Variants in SEM1 observed in about 807,000 individuals in gnomAD.
SEM1 encodes the protein 26S proteasome complex subunit SEM1.
In SEM1, 3 loss-of-function variants were observed where a neutral mutation model predicts 12.7. The observed-to-expected ratio is 0.24, with a 90% CI of 0.11 to 0.61. The LOEUF (loss-of-function observed/expected upper bound fraction) is 0.61, where lower values mean the gene tolerates loss of function less well. SEM1 is among the 20% of genes least tolerant of loss of function. SEM1 has a pLI of 0.88. For synonymous variants in SEM1, 30 were observed against 27.8 expected, an observed-to-expected ratio of 1.08 and a Z score of -0.25; for missense variants, 59 against 81.3, an observed-to-expected ratio of 0.73 and a Z score of 1.06.
intron 2 of SEM1, among the ~76,000 whole-genome samples, chr7:96,581,897 C>G (rs1337345414): frequency 6.6e-6 from 1 of 152,106 alleles, no homozygotes; most frequent in Non-Finnish European, 1.5e-5. Flanking sequence ...TTTCTAGATA[C>G]ACAATCGTGT....
intron 2 of SEM1, among the ~76,000 whole-genome samples, chr7:96,582,729 A>T (rs1407111492): frequency 6.6e-6 from 1 of 152,160 alleles, no homozygotes; most frequent in African/African-American, 2.4e-5. Flanking sequence ...AAATTTATCC[A>T]TTTCTTCCAG....
intron 2 of SEM1, among the ~76,000 whole-genome samples, chr7:96,624,837 G>A (rs989268714): frequency 3.3e-5 from 5 of 152,132 alleles, no homozygotes; most frequent in African/African-American, 1.2e-4. Flanking sequence ...CTGCAATGGG[G>A]TGATAGGGAG....
chr7:96,653,387 A>C (rs888523892), intron 2 of SEM1, among the ~76,000 whole-genome samples: 9 of 152,246 alleles, frequency 5.9e-5, no homozygotes, highest in African/African-American at 1.9e-4. Context: ...ATAATTGCCT[A>C]GCTCTTGAGT....
chr7:96,602,474 A>G (rs560934377), intron 2 of SEM1, among the ~76,000 whole-genome samples: 1 of 152,234 alleles, frequency 6.6e-6, no homozygotes, highest in African/African-American at 2.4e-5. Flanking sequence ...CAGCTCACCA[A>G]TATCTCCGTC....
At chr7:96,606,837 A>G (rs890799580) in intron 2 of SEM1, among the ~76,000 whole-genome samples, 1 of 152,124 alleles carries the variant, frequency 6.6e-6, no homozygotes, top group Non-Finnish European at 1.5e-5. Flanking sequence ...ATCAGTCTGC[A>G]TGGAGCTTAT....
At chr7:96,642,244 GAAGAAGGT>G (rs1169719489) in intron 2 of SEM1, among the ~76,000 whole-genome samples, 1 of 151,998 alleles carries the variant, frequency 6.6e-6, no homozygotes, top group Non-Finnish European at 1.5e-5. Flanking sequence ...AGATTACAGA[GAAGAAGGT>G]TGAAGACACC....
intron 2 of SEM1, among the ~76,000 whole-genome samples, chr7:96,585,498 G>T (rs1806590059): frequency 6.6e-6 from 1 of 152,242 alleles, no homozygotes; most frequent in African/African-American, 2.4e-5. Context: ...GCTCCACCCA[G>T]TTGGAACTTG....
intron 2 of SEM1, among the ~76,000 whole-genome samples, chr7:96,585,511 A>G (rs1291336790): frequency 2.6e-5 from 4 of 152,350 alleles, no homozygotes; most frequent in Non-Finnish European, 5.9e-5. Context: ...GGAACTTGCC[A>G]GCTGCTTTGT....
intron 2 of SEM1, among the ~76,000 whole-genome samples, chr7:96,511,728 C>T (rs1447416615): frequency 1.3e-5 from 2 of 152,012 alleles, no homozygotes; most frequent in African/African-American, 4.8e-5. Context: ...TTGATGGTAG[C>T]ATGAAGAGTA....
intron 2 of SEM1, among the ~76,000 whole-genome samples, chr7:96,623,512 A>T (rs1807960660): frequency 6.8e-6 from 1 of 147,840 alleles, no homozygotes; most frequent in Non-Finnish European, 1.5e-5. Flanking sequence ...GTATAAATAT[A>T]TCTAAATATA....
intron 3 of SEM1, among the ~76,000 whole-genome samples, chr7:96,505,119 T>C (rs1803708210): frequency 6.6e-6 from 1 of 152,000 alleles, no homozygotes; most frequent in Admixed American, 6.6e-5. Context: ...TTTATTTATT[T>C]TGAGACAGAG....
chr7:96,505,685 A>G (rs1286784137), intron 3 of SEM1, among the ~76,000 whole-genome samples: 1 of 152,174 alleles, frequency 6.6e-6, no homozygotes, highest in Non-Finnish European at 1.5e-5. Context: ...AGAGTATCAG[A>G]AAATTCAATG....
At chr7:96,635,598 A>G (rs774790165) in intron 2 of SEM1, among the ~76,000 whole-genome samples, 12 of 152,136 alleles carry the variant, frequency 7.9e-5, no homozygotes, top group African/African-American at 1.2e-4. Context: ...GGGGTAGTCA[A>G]TTGTGCTAAA....
intron 2 of SEM1, among the ~76,000 whole-genome samples, chr7:96,516,297 A>C (rs528907890): frequency 1.3e-5 from 2 of 152,282 alleles, no homozygotes; most frequent in Admixed American, 1.3e-4. Flanking sequence ...TGAAAAGACA[A>C]GTCACAAGCC....
intron 1 of SEM1, 52 bp downstream of exon 1, chr7:96,709,636 G>A (rs1790585905): frequency 1.9e-6 from 3 of 1,569,184 alleles, no homozygotes; most frequent in Non-Finnish European, 2.6e-6. Flanking sequence ...ACCTCCACAC[G>A]GAGGCCTGAG....
At chr7:96,580,079 A>G (rs930459682) in intron 2 of SEM1, among the ~76,000 whole-genome samples, 7 of 147,210 alleles carry the variant, frequency 4.8e-5, no homozygotes, top group Admixed American at 4.1e-4. Context: ...CTAACTCGTC[A>G]TCTAGCATTA....
At chr7:96,584,634 T>G (rs1430431767) in intron 2 of SEM1, among the ~76,000 whole-genome samples, 1 of 150,136 alleles carries the variant, frequency 6.7e-6, no homozygotes, top group African/African-American at 2.5e-5. Context: ...TCTTTTCACA[T>G]AGTCCCATAT....
At chr7:96,684,134 T>G (rs577844306), downstream of SEM1, among the ~76,000 whole-genome samples, 1 of 152,226 alleles carries the variant, frequency 6.6e-6, no homozygotes, top group Admixed American at 6.5e-5. Context: ...CTTTCTAATC[T>G]TCACCCTCAA....
chr7:96,508,785 A>G (rs1180417644), intron 2 of SEM1, among the ~76,000 whole-genome samples: 3 of 152,134 alleles, frequency 2.0e-5, no homozygotes, highest in African/African-American at 7.2e-5. Flanking sequence ...ACTACAAGAT[A>G]TAAGAGGAAG....
Sources: allele counts gnomAD v4.1 joint callset (sites outside exome capture counted in the v4.1 genomes callset), GRCh38; gene constraint gnomAD v4.1.1; transcripts MANE v1.5; gene names NCBI Gene and HGNC (gene_info 2026-07-23, HGNC 2026-07-21).